Variants in MEGF11 observed in about 807,000 individuals in gnomAD.
MEGF11 encodes the protein multiple EGF like domains 11, also known as multiple epidermal growth factor-like domains protein 11.
Under a neutral mutation model 146.6 loss-of-function variants are expected in MEGF11, and 126 were observed. The ratio of observed to expected loss-of-function variants is 0.86; its 90% confidence interval spans 0.74 to 1.00. The LOEUF (loss-of-function observed/expected upper bound fraction) is 1.00. Among genes scored for constraint, MEGF11 ranks in the 50% least tolerant of loss-of-function variants. The pLI, the probability that MEGF11 is intolerant of heterozygous loss-of-function variation, is 0.00. For synonymous variants in MEGF11, 532 were observed against 583.4 expected (o/e 0.91, Z 1.27); for missense variants, 1,509 against 1,521.2 (o/e 0.99, Z 0.13).
intron 10 of MEGF11, among the ~76,000 whole-genome samples, chr15:65,935,079 G>T (rs1317151014): frequency 6.6e-6 from 1 of 152,078 alleles, no homozygotes; most frequent in Non-Finnish European, 1.5e-5. Flanking sequence ...CCAGCGCTTT[G>T]GGAGGTTGAG....
At position 65,970,670 on chromosome 15, in the gene MEGF11, G is replaced by T. The variant is rs1249940470; in HGVS notation, c.782C>A (p.Pro261His). 6.2e-7 allele frequency: 1 copy of T among 1,611,994 alleles called. No individual in the cohort carries two copies. Among genetic ancestry groups the T allele is most frequent in the East Asian group, 2.2e-5 (1 of 44,848 alleles). Residue 261 changes from proline (P) to histidine (H), a missense_variant, in exon 8 of 26, where the codon CCC becomes CAC. Pro to His is a moderately conservative substitution (Grantham distance 77). Transcript: ENST00000395614. ...PGWTGAVCAQ[P>H]CPPGTFGQNC... The stretch of plus-strand genomic sequence containing the variant: ...CTGGCCAAATGTCCCTGGTGGGCAG[G>T]GCTGGGCACACACTGCTCCCTAAAA...
At chr15:66,142,506 C>G (rs2089205740) in intron 1 of MEGF11, among the ~76,000 whole-genome samples, 1 of 152,192 alleles carries the variant, frequency 6.6e-6, no homozygotes, top group African/African-American at 2.4e-5. Flanking sequence ...TCACTAAAGC[C>G]AAATGGTAGA....
chr15:66,164,524 T>G (rs761769460), intron 1 of MEGF11, among the ~76,000 whole-genome samples: 2 of 152,120 alleles, frequency 1.3e-5, no homozygotes, highest in African/African-American at 4.8e-5. Context: ...AGCTTTATTT[T>G]CCTCACCTGT....
Position 66,082,672 on chromosome 15 carries a change from C to CA in MEGF11, c.394+11729dup, listed in dbSNP as rs71139462. 1.7e-3 allele frequency among the ~76,000 whole-genome samples: 66 copies of CA among 39,148 alleles called. 2 individuals are homozygous for CA. The highest frequency in any genetic ancestry group is 6.4e-3 in the African/African-American group (59 of 9,250). 25.7% of individuals were successfully genotyped at this position (39,148 alleles called of 152,430 possible). ...AGCAAGATGGAGCAAGACTCTGTCT[C>CA]AAAAAAAAAAAAAAAAAAGGGCGGT... On this transcript the variant is annotated intron_variant, in intron 5 of 25. Coordinates refer to ENST00000395614, the MANE Select transcript of MEGF11 (RefSeq NM_001385028.1).
chr15:66,079,181 GCCTGCCTGCCTT>G (rs1283965957), intron 5 of MEGF11, among the ~76,000 whole-genome samples: 1 of 152,150 alleles, frequency 6.6e-6, no homozygotes, highest in Non-Finnish European at 1.5e-5. Context: ...CTGCCCCATG[GCCTGCCTGCCTT>G]CCTGCCTGTG....
chr15:66,026,074 G>A (rs1475099394), intron 5 of MEGF11, among the ~76,000 whole-genome samples: 1 of 152,230 alleles, frequency 6.6e-6, no homozygotes, highest in Non-Finnish European at 1.5e-5. Context: ...GCTCCAGATT[G>A]TGATTCAGAT....
intron 1 of MEGF11, among the ~76,000 whole-genome samples, chr15:66,136,172 C>T (rs547477568): frequency 6.6e-6 from 1 of 152,318 alleles, no homozygotes; most frequent in Admixed American, 6.5e-5. Context: ...GGTGAGAGAA[C>T]AACAGTTTCT....
Position 65,965,043 on chromosome 15 carries a change from C to G in MEGF11, c.977G>C (p.Cys326Ser). 6.3e-7 allele frequency: 1 copy of G among 1,589,236 alleles called. No individual in the cohort carries two copies. The highest frequency in any genetic ancestry group is 8.6e-7 in the Non-Finnish European group (1 of 1,167,658). The change falls in exon 9 of 26, where the codon TGT becomes TCT. Residue 326 changes from cysteine (C) to serine (S), a missense_variant. Coordinates refer to ENST00000395614, the MANE Select transcript of MEGF11 (RefSeq NM_001385028.1). ...CTCGCAGGCACCCGTGGTGGGTGAACACTGCCCCCCATTGTGGCAGTCACA... is the reference window on the plus strand; with the variant it reads ...CTCGCAGGCACCCGTGGTGGGTGAAGACTGCCCCCCATTGTGGCAGTCACA... ...QHCDCHNGGQ[C>S]SPTTGACECE...
chr15:66,099,888 G>A (rs2086715485), intron 4 of MEGF11, among the ~76,000 whole-genome samples: 1 of 152,120 alleles, frequency 6.6e-6, no homozygotes, highest in African/African-American at 2.4e-5. Flanking sequence ...AAAACTAGAA[G>A]GGCTGGGACT....
intron 10 of MEGF11, among the ~76,000 whole-genome samples, chr15:65,935,245 G>A (rs543728059): frequency 6.9e-4 from 100 of 145,452 alleles, no homozygotes; most frequent in African/African-American, 2.3e-3. Context: ...GCTTGAACCC[G>A]GGAGGTGGAG....
intron 21 of MEGF11, among the ~76,000 whole-genome samples, chr15:65,911,473 G>A (rs1260421012): frequency 2.0e-5 from 3 of 152,140 alleles, no homozygotes; most frequent in Non-Finnish European, 4.4e-5. Flanking sequence ...GTGCAGTGGC[G>A]TGATCTCAGC....
At chr15:65,931,495 C>T (rs976189287) in intron 10 of MEGF11, among the ~76,000 whole-genome samples, 1 of 152,192 alleles carries the variant, frequency 6.6e-6, no homozygotes, top group African/African-American at 2.4e-5. Context: ...AGACTTCTGA[C>T]CTTCAGGACT....
At chr15:66,044,610 G>A (rs1050994680) in intron 5 of MEGF11, among the ~76,000 whole-genome samples, 1 of 151,984 alleles carries the variant, frequency 6.6e-6, no homozygotes, top group African/African-American at 2.4e-5. Context: ...TATTTTGGGA[G>A]ACTGAGAATT....
intron 5 of MEGF11, among the ~76,000 whole-genome samples, chr15:66,030,938 G>A (rs914783582): frequency 6.6e-6 from 1 of 152,178 alleles, no homozygotes; most frequent in Non-Finnish European, 1.5e-5. Context: ...AAAATAAAAG[G>A]GAAATGTAAG....
chr15:66,143,540 C>T (rs2089252142), intron 1 of MEGF11, among the ~76,000 whole-genome samples: 1 of 152,242 alleles, frequency 6.6e-6, no homozygotes. Flanking sequence ...GCACCTCCTT[C>T]AGGCTTTCTT....
At chr15:66,018,191 CCTGA>C (rs2082963265) in intron 5 of MEGF11, among the ~76,000 whole-genome samples, 1 of 152,174 alleles carries the variant, frequency 6.6e-6, no homozygotes, top group Non-Finnish European at 1.5e-5. Flanking sequence ...CCCTTGGGTG[CCTGA>C]CTGTCTCGGG....
intron 1 of MEGF11, among the ~76,000 whole-genome samples, chr15:66,181,180 C>G (rs1460751666): frequency 6.6e-6 from 1 of 152,146 alleles, no homozygotes; most frequent in African/African-American, 2.4e-5. Context: ...GGGGAAGAAG[C>G]TAAGAATCAA....
chr15:66,217,839 C>A (rs977405473), intron 1 of MEGF11, among the ~76,000 whole-genome samples: 6 of 152,214 alleles, frequency 3.9e-5, no homozygotes, highest in Non-Finnish European at 8.8e-5. Flanking sequence ...ATCCAGAAAG[C>A]TGAGGCCCCA....
intron 10 of MEGF11, among the ~76,000 whole-genome samples, chr15:65,940,028 G>A (rs1171190870): frequency 6.6e-6 from 1 of 152,212 alleles, no homozygotes; most frequent in African/African-American, 2.4e-5. Flanking sequence ...CAGACACTGT[G>A]CGAGGTCAGG....
Sources: allele counts gnomAD v4.1 joint callset (sites outside exome capture counted in the v4.1 genomes callset), GRCh38; gene constraint gnomAD v4.1.1; transcripts MANE v1.5; gene names NCBI Gene and HGNC (gene_info 2026-07-23, HGNC 2026-07-21).